CCNY: variants seen among roughly 807,000 people sequenced by gnomAD.
The protein encoded by CCNY is cyclin-Y.
A neutral mutation model predicts 42.8 loss-of-function variants in CCNY; 19 were observed. The observed-to-expected ratio is 0.44, with a 90% confidence interval of 0.31 to 0.65. The LOEUF (loss-of-function observed/expected upper bound fraction) is 0.65. CCNY is among the 30% of genes least tolerant of loss of function. CCNY has a pLI of 0.07. For missense variants in CCNY, 370 were observed against 437.3 expected, an observed-to-expected ratio of 0.85 and a Z score of 1.37; for synonymous variants, 165 against 162.7, an observed-to-expected ratio of 1.01 and a Z score of -0.11.
intron 5 of CCNY, among the ~76,000 whole-genome samples, chr10:35,528,142 G>A (rs752882519): frequency 6.6e-6 from 1 of 152,098 alleles, no homozygotes; most frequent in Non-Finnish European, 1.5e-5. Flanking sequence ...GCCAGGTTCT[G>A]TCTCTCCTGT....
intron 8 of CCNY, among the ~76,000 whole-genome samples, chr10:35,554,748 C>T (rs1370673259): frequency 1.3e-5 from 2 of 152,150 alleles, no homozygotes; most frequent in African/African-American, 4.8e-5. Flanking sequence ...AGCCAGAATA[C>T]CTAATGAAAT....
At chr10:35,568,484 G>A (rs1376363576) in intron 9 of CCNY, among the ~76,000 whole-genome samples, 7 of 152,220 alleles carry the variant, frequency 4.6e-5, no homozygotes, top group Admixed American at 4.6e-4. Context: ...TTGATTATCT[G>A]CACATCTCAT....
At chr10:35,321,676 T>C (rs1422174434) in intron 3 of CCNY, among the ~76,000 whole-genome samples, 1 of 151,766 alleles carries the variant, frequency 6.6e-6, no homozygotes, top group Non-Finnish European at 1.5e-5. Context: ...AGACCCTGTC[T>C]CAAAAAAAAG....
chr10:35,396,119 T>C (rs1013762387), intron 1 of CCNY, among the ~76,000 whole-genome samples: 1 of 152,208 alleles, frequency 6.6e-6, no homozygotes, highest in Non-Finnish European at 1.5e-5. Context: ...GTTTTGCACA[T>C]AGCAGGTGCT....
At chr10:35,504,961 A>G (rs16936086) in intron 3 of CCNY, among the ~76,000 whole-genome samples, 43,237 of 152,004 alleles carry the variant, frequency 0.28, 6,508 homozygotes, top group East Asian at 0.35. Context: ...CATATGAAAG[A>G]TACACGTATT....
At chr10:35,363,308 G>T (rs376608003) in intron 1 of CCNY, among the ~76,000 whole-genome samples, 1 of 151,624 alleles carries the variant, frequency 6.6e-6, no homozygotes, top group Non-Finnish European at 1.5e-5. Flanking sequence ...CAGACGGTTG[G>T]GGGGCCGGGC....
intron 1 of CCNY, among the ~76,000 whole-genome samples, chr10:35,457,253 C>T (rs889733917): frequency 1.3e-5 from 2 of 152,190 alleles, no homozygotes; most frequent in African/African-American, 4.8e-5. Context: ...TCTTTTCAAT[C>T]TAAATCTCCC....
intron 1 of CCNY, among the ~76,000 whole-genome samples, chr10:35,424,122 A>C (rs1043347869): frequency 6.6e-6 from 1 of 152,204 alleles, no homozygotes; most frequent in Non-Finnish European, 1.5e-5. Flanking sequence ...GAAGTTAGTA[A>C]TCATAGCTCC....
At chr10:35,431,080 G>T (rs1838384130) in intron 1 of CCNY, among the ~76,000 whole-genome samples, 1 of 149,782 alleles carries the variant, frequency 6.7e-6, no homozygotes, top group African/African-American at 2.5e-5. Flanking sequence ...TTGTGCCACT[G>T]CACTCCAGGC....
chr10:35,426,097 C>G (rs1285773129), intron 1 of CCNY, among the ~76,000 whole-genome samples: 2 of 144,514 alleles, frequency 1.4e-5, no homozygotes, highest in Non-Finnish European at 3.0e-5. Context: ...TCTCCCTTCA[C>G]TGGTCCAGCA....
rs1278211080 is a variant in CCNY, at chr10:35,571,258, C to T, written c.*2088C>T. 3 of 152,084 alleles carry T rather than the reference C, an allele frequency of 2.0e-5. No homozygotes were observed. Among genetic ancestry groups the T allele is most frequent in the South Asian group, 2.1e-4 (1 of 4,814 alleles). 9.4% of individuals were successfully genotyped at this position (152,084 alleles called of 1,614,324 possible). A position where few individuals can be genotyped will look rare whatever the true frequency, so the allele number is the denominator to read the frequency against. On this transcript the variant is annotated 3_prime_UTR_variant, in exon 10 of 10. Coordinates refer to ENST00000374704, the MANE Select transcript of CCNY (RefSeq NM_145012.6). ...TTATTTGAATGAGAGATTTGAAAAT[C>T]GAATTATGTAAATATTTCAATGCAT... is the stretch of plus-strand genomic sequence containing the variant.
rs1217146745 is a variant in CCNY, at chr10:35,491,817, G to T, written c.229+8339G>T. 6.6e-5 allele frequency among the ~76,000 whole-genome samples: 10 copies of T among 150,648 alleles called. No individual in the cohort carries two copies. In the South Asian group the frequency reaches 1.1e-3, roughly 16 times the overall value. On this transcript the variant is annotated intron_variant, in intron 2 of 9. Coordinates refer to ENST00000374704, the MANE Select transcript of CCNY (RefSeq NM_145012.6). Reference sequence around the variant, plus strand: ...TTTAGTAGAGATGGGGTTTCACCATGTTAGCCAGGATGGTCTCGATCTCCT... The same window carrying T: ...TTTAGTAGAGATGGGGTTTCACCATTTTAGCCAGGATGGTCTCGATCTCCT...
At chr10:35,421,928 G>A (rs1838167441) in intron 1 of CCNY, among the ~76,000 whole-genome samples, 1 of 152,088 alleles carries the variant, frequency 6.6e-6, no homozygotes, top group Non-Finnish European at 1.5e-5. Flanking sequence ...AACAATCTTA[G>A]GTGGATACTC....
intron 1 of CCNY, among the ~76,000 whole-genome samples, chr10:35,349,664 G>C (rs1836385913): frequency 2.6e-5 from 4 of 152,122 alleles, no homozygotes. Flanking sequence ...GCTATAGCAG[G>C]GTTTCTCCCT....
intron 1 of CCNY, among the ~76,000 whole-genome samples, chr10:35,406,019 A>G (rs1837751728): frequency 6.6e-6 from 1 of 152,068 alleles, no homozygotes; most frequent in Non-Finnish European, 1.5e-5. Flanking sequence ...TGTGTGCTGG[A>G]GATGTGGCTG....
upstream of CCNY, among the ~76,000 whole-genome samples, chr10:35,335,678 T>G (rs1217608970): frequency 6.6e-6 from 1 of 151,850 alleles, no homozygotes; most frequent in African/African-American, 2.4e-5. Context: ...CGAAGCGAGA[T>G]CCCATCTCTA....
intron 3 of CCNY, among the ~76,000 whole-genome samples, chr10:35,280,916 T>C (rs952882919): frequency 2.0e-5 from 3 of 151,958 alleles, no homozygotes; most frequent in Non-Finnish European, 4.4e-5. Flanking sequence ...AGACATACAA[T>C]CTAAATAAAA....
intron 4 of CCNY, among the ~76,000 whole-genome samples, chr10:35,519,776 CTT>C (rs1177122335): frequency 5.4e-4 from 40 of 74,654 alleles, no homozygotes; most frequent in African/African-American, 1.9e-3. Context: ...CTTTTCTTTT[CTT>C]TTTTTTTTTT....
chr10:35,402,271 G>GTT lies in CCNY; in HGVS notation c.154+65069_154+65070dup, dbSNP rs1465483665. Among the ~76,000 whole-genome samples the GTT allele has an allele frequency of 1.4e-4, 22 of 152,290 alleles. 1 individual carries two copies. In the East Asian group the frequency reaches 4.2e-3, roughly 29 times the overall value. On this transcript the variant is annotated intron_variant, in intron 1 of 9. Coordinates refer to ENST00000374704, the MANE Select transcript of CCNY (RefSeq NM_145012.6). ...AATGATTGGTGATGGCCTGGATGCA[G>GTT]TTTTTTATGAATTGAAAAACTAAAC...
Sources: allele counts gnomAD v4.1 joint callset (sites outside exome capture counted in the v4.1 genomes callset), GRCh38; gene constraint gnomAD v4.1.1; transcripts MANE v1.5; gene names NCBI Gene and HGNC (gene_info 2026-07-23, HGNC 2026-07-21).